Variants in ERBB4 observed in about 807,000 individuals in gnomAD.
The protein encoded by ERBB4 is receptor tyrosine-protein kinase erbB-4.
A neutral mutation model predicts 158.0 loss-of-function variants in ERBB4; 42 were observed. That is an observed-to-expected ratio of 0.27 (90% CI 0.21 to 0.34). The LOEUF (loss-of-function observed/expected upper bound fraction) is 0.34. Ranked by LOEUF, ERBB4 falls within the 10% of genes least tolerant of loss-of-function variation. The probability of loss-of-function intolerance (pLI) is 1.00; values close to 1 mark genes in which losing one functional copy is unlikely to be tolerated. For synonymous variants in ERBB4, 583 were observed against 558.7 expected, an observed-to-expected ratio of 1.04 and a Z score of -0.61; for missense variants, 1,333 against 1,624.1, an observed-to-expected ratio of 0.82 and a Z score of 3.08.
At chr2:212,238,990 G>A (rs964721253) in intron 1 of ERBB4, among the ~76,000 whole-genome samples, 1 of 152,172 alleles carries the variant, frequency 6.6e-6, no homozygotes, top group Non-Finnish European at 1.5e-5. Flanking sequence ...TTCTGGTTCA[G>A]TTCAAACACT....
At chr2:212,339,115 C>G (rs2088582099) in intron 1 of ERBB4, among the ~76,000 whole-genome samples, 1 of 152,102 alleles carries the variant, frequency 6.6e-6, no homozygotes, top group Non-Finnish European at 1.5e-5. Context: ...CCATCACTTA[C>G]ATATTAAGTC....
chr2:212,293,957 C>T (rs761145089), intron 1 of ERBB4, among the ~76,000 whole-genome samples: 11 of 150,622 alleles, frequency 7.3e-5, no homozygotes, highest in Non-Finnish European at 1.3e-4. Context: ...CAGAGAGAGT[C>T]AACGAAGTAT....
intron 16 of ERBB4, among the ~76,000 whole-genome samples, chr2:211,656,365 T>A (rs533959703): frequency 6.6e-6 from 1 of 152,326 alleles, no homozygotes; most frequent in Admixed American, 6.5e-5. Flanking sequence ...TTTGTTAACT[T>A]TAGTACTACC....
intron 1 of ERBB4, among the ~76,000 whole-genome samples, chr2:212,402,271 C>T (rs2091228918): frequency 6.6e-6 from 1 of 152,046 alleles, no homozygotes; most frequent in Non-Finnish European, 1.5e-5. Flanking sequence ...AGATTCCATA[C>T]TTTATTATCT....
At chr2:211,892,071 T>C (rs1326259145) in intron 3 of ERBB4, among the ~76,000 whole-genome samples, 1 of 114,166 alleles carries the variant, frequency 8.8e-6, no homozygotes, top group Admixed American at 8.8e-5. Context: ...GCCAGCATCA[T>C]TCTGATACCA....
chr2:211,842,861 G>A (rs1324270650), intron 3 of ERBB4, among the ~76,000 whole-genome samples: 1 of 152,020 alleles, frequency 6.6e-6, no homozygotes, highest in East Asian at 1.9e-4. Flanking sequence ...TGCTTGGCCG[G>A]TAGTTGGCAT....
At chr2:211,801,125 A>C (rs1251339420) in intron 3 of ERBB4, among the ~76,000 whole-genome samples, 1 of 152,200 alleles carries the variant, frequency 6.6e-6, no homozygotes, top group Non-Finnish European at 1.5e-5. Flanking sequence ...TGAGTAATTC[A>C]CATAAAGAAA....
chr2:211,982,758 T>C (rs559172784), intron 2 of ERBB4, among the ~76,000 whole-genome samples: 8 of 152,218 alleles, frequency 5.3e-5, no homozygotes, highest in Non-Finnish European at 1.0e-4. Context: ...GGTGAACAAA[T>C]GGAGGTGCAA....
chr2:211,870,258 TCAAGTA>T (rs1230630378), intron 3 of ERBB4, among the ~76,000 whole-genome samples: 7 of 152,180 alleles, frequency 4.6e-5, no homozygotes, highest in African/African-American at 1.7e-4. Context: ...TTTTGTGTTC[TCAAGTA>T]CAAGTGGCCA....
At chr2:211,969,221 C>T (rs2081386268) in intron 2 of ERBB4, among the ~76,000 whole-genome samples, 1 of 151,856 alleles carries the variant, frequency 6.6e-6, no homozygotes, top group Non-Finnish European at 1.5e-5. Context: ...ACACCAGTAA[C>T]TCCAATAAAG....
At chr2:211,398,103 C>G (rs1361303391) in intron 25 of ERBB4, among the ~76,000 whole-genome samples, 2 of 152,142 alleles carry the variant, frequency 1.3e-5, no homozygotes, top group Non-Finnish European at 2.9e-5. Context: ...CTCTCCCTGG[C>G]CTGCTTGTCT....
At chr2:211,513,836 G>T (rs377269264) in intron 20 of ERBB4, among the ~76,000 whole-genome samples, 8 of 149,402 alleles carry the variant, frequency 5.4e-5, no homozygotes, top group East Asian at 1.9e-4. Flanking sequence ...TTATATTTTT[G>T]GGGGGGATTA....
intron 25 of ERBB4, among the ~76,000 whole-genome samples, chr2:211,415,209 C>T (rs187876776): frequency 0.018 from 2,707 of 148,394 alleles, 42 homozygotes; most frequent in African/African-American, 0.064. Context: ...CTCCGCCTCC[C>T]GGGTTCACGC....
chr2:211,850,229 G>T (rs2077685264), intron 3 of ERBB4, among the ~76,000 whole-genome samples: 1 of 151,926 alleles, frequency 6.6e-6, no homozygotes, highest in Non-Finnish European at 1.5e-5. Flanking sequence ...CTTTGTCTGG[G>T]TTGGTGCTTA....
chr2:212,219,144 A>C (rs1157238571), intron 1 of ERBB4, among the ~76,000 whole-genome samples: 2 of 151,448 alleles, frequency 1.3e-5, no homozygotes, highest in Non-Finnish European at 3.0e-5. Flanking sequence ...TTACAATCTA[A>C]CTACTTAATG....
At chr2:212,532,035 C>T (rs1270322221) in intron 1 of ERBB4, among the ~76,000 whole-genome samples, 1 of 151,876 alleles carries the variant, frequency 6.6e-6, no homozygotes, top group Non-Finnish European at 1.5e-5. Flanking sequence ...GGATCCAAGC[C>T]ATTTGTCTTC....
At chr2:211,861,122 TTTTATATA>T (rs1249130699) in intron 3 of ERBB4, among the ~76,000 whole-genome samples, 1 of 18,198 alleles carries the variant, frequency 5.5e-5, no homozygotes, top group African/African-American at 2.7e-4. Flanking sequence ...TATATATATA[TTTTATATA>T]TATATATATA....
chr2:211,991,840 G>C (rs573820464), intron 2 of ERBB4, among the ~76,000 whole-genome samples: 1 of 152,082 alleles, frequency 6.6e-6, no homozygotes, highest in Admixed American at 6.6e-5. Flanking sequence ...CTAAGTCTTC[G>C]GCTGAGTTGG....
rs78181683 is a variant in ERBB4 at position 211,680,845 on chromosome 2, G to C, written c.1490-1661C>G. 1.2e-3 allele frequency among the ~76,000 whole-genome samples: 186 copies of C among 152,154 alleles called. 4 individuals carry two copies. In the East Asian group the frequency reaches 0.029, roughly 24 times the overall value. On this transcript the variant is annotated intron_variant, in intron 12 of 27. Transcript: ENST00000342788. ...GAGAAATGTGTGTGTATCTGTGTCT[G>C]TGTGCAGCAGTTTTATTGAAGTATA...
Sources: gnomAD v4.1 joint callset for allele counts (sites outside exome capture counted in the v4.1 genomes callset) on GRCh38, gnomAD v4.1.1 for gene constraint, MANE v1.5 for transcripts, NCBI Gene and HGNC (gene_info 2026-07-23, HGNC 2026-07-21) for gene names.